The following SH3PXD2B variants were observed in gnomAD, a reference collection of about 807,000 sequenced individuals.
SH3PXD2B encodes the protein SH3 and PX domain-containing protein 2B.
SH3PXD2B carries 37 observed loss-of-function variants against 73.1 expected under a neutral mutation model. The observed-to-expected ratio is 0.51, with a 90% CI of 0.39 to 0.67. SH3PXD2B has a LOEUF of 0.67. SH3PXD2B is among the 30% of genes least tolerant of loss of function. The probability of loss-of-function intolerance (pLI) is 0.00; values close to 1 mark genes in which losing one functional copy is unlikely to be tolerated. For synonymous variants in SH3PXD2B, 457 were observed against 480.5 expected (o/e 0.95, Z 0.64); for missense variants, 1,053 against 1,197.8 (o/e 0.88, Z 1.78).
chr5:172,406,161 G>T (rs1231183959), intron 3 of SH3PXD2B, 116 bp downstream of exon 3: 26 of 1,165,854 alleles, frequency 2.2e-5, no homozygotes, highest in Non-Finnish European at 3.1e-5. Flanking sequence ...TGAGATTCTG[G>T]TCAGTGGGAT....
At chr5:172,452,649 C>A (rs541731689) in intron 1 of SH3PXD2B, among the ~76,000 whole-genome samples, 1 of 152,086 alleles carries the variant, frequency 6.6e-6, no homozygotes, top group East Asian at 1.9e-4. Flanking sequence ...CGATGATGGC[C>A]GGGCCTCGGT....
At chr5:172,351,379 C>T (rs886915599) in intron 9 of SH3PXD2B, among the ~76,000 whole-genome samples, 1 of 152,148 alleles carries the variant, frequency 6.6e-6, no homozygotes, top group East Asian at 1.9e-4. Context: ...CTTCCTGTCT[C>T]GGCCTCCCAA....
chr5:172,328,287 G>A (rs1032560210), intron 12 of SH3PXD2B, among the ~76,000 whole-genome samples: 1 of 151,590 alleles, frequency 6.6e-6, no homozygotes, highest in Non-Finnish European at 1.5e-5. Context: ...TGCATTTTTA[G>A]TAGAGACGGG....
chr5:172,377,761 A>G (rs141491747), intron 5 of SH3PXD2B, among the ~76,000 whole-genome samples: 1 of 152,328 alleles, frequency 6.6e-6, no homozygotes, highest in Non-Finnish European at 1.5e-5. Flanking sequence ...GATATGAGAT[A>G]AGCATGCTAG....
chr5:172,423,251 G>A lies in SH3PXD2B; in HGVS notation c.76-755C>T, dbSNP rs549015526. Among the ~76,000 whole-genome samples the A allele has an allele frequency of 1.1e-4, 16 of 152,294 alleles. No homozygotes were observed. In the Middle Eastern group the frequency reaches 0.01, roughly 97 times the overall value. On this transcript the variant is annotated intron_variant, in intron 1 of 12. Transcript: ENST00000311601. ...CGGACACACCAGGTAGACACCTAAG[G>A]GCTAAGGGATCAGCATACCTGTGAC...
chr5:172,390,816 TG>T (rs1252314968), intron 4 of SH3PXD2B, among the ~76,000 whole-genome samples: 22 of 3,248 alleles, frequency 6.8e-3, no homozygotes, highest in Non-Finnish European at 9.6e-3. Context: ...TCCCGTCTTT[TG>T]TGTGTGTGTG....
intron 3 of SH3PXD2B, among the ~76,000 whole-genome samples, chr5:172,396,720 G>T (rs6871249): frequency 0.3 from 45,595 of 151,484 alleles, 7,404 homozygotes; most frequent in East Asian, 0.66. Flanking sequence ...GTCAAGGCAG[G>T]TGGATAACCT....
In SH3PXD2B at chr5:172,337,429, T is replaced by C; in HGVS notation, c.*940A>G. 1 of 979,770 alleles carries C rather than the reference T, an allele frequency of 1.0e-6. No homozygotes were observed. The highest frequency in any genetic ancestry group is 1.2e-6 in the Non-Finnish European group (1 of 824,836). The allele number at this position is 979,770 out of a possible 1,614,324, so 60.7% of individuals were successfully genotyped here. A position where few individuals can be genotyped will look rare whatever the true frequency, so the allele number is the denominator to read the frequency against. On this transcript the variant is annotated 3_prime_UTR_variant, in exon 13 of 13. Transcript: ENST00000311601. ...CATGGAGCGTGAATTTCCTCATCTA[T>C]AAAGGGAGGTTGTGAGGGTCAAAGC...
chr5:172,373,385 T>A (rs1392044170), intron 6 of SH3PXD2B, among the ~76,000 whole-genome samples: 1 of 152,294 alleles, frequency 6.6e-6, no homozygotes, highest in Non-Finnish European at 1.5e-5. Context: ...ACCATATTGC[T>A]CTGTATAAAG....
intron 1 of SH3PXD2B, among the ~76,000 whole-genome samples, chr5:172,423,010 TTCCTCTGCC>T (rs902078869): frequency 3.3e-4 from 51 of 152,334 alleles, no homozygotes; most frequent in Admixed American, 1.7e-3. Context: ...CAGCACCTGC[TTCCTCTGCC>T]TCCTCTGCCT....
chr5:172,435,168 T>G (rs866355683), intron 1 of SH3PXD2B, among the ~76,000 whole-genome samples: 1 of 152,228 alleles, frequency 6.6e-6, no homozygotes, highest in Admixed American at 6.5e-5. Flanking sequence ...ATTTTTCTCT[T>G]TCTTTTGAAT....
intron 1 of SH3PXD2B, among the ~76,000 whole-genome samples, chr5:172,451,671 G>A (rs1205007955): frequency 6.6e-6 from 1 of 152,238 alleles, no homozygotes; most frequent in Admixed American, 6.5e-5. Flanking sequence ...AGCTGATGCT[G>A]TCTCTCCAGG....
At chr5:172,402,282 C>G (rs965152762) in intron 3 of SH3PXD2B, among the ~76,000 whole-genome samples, 1 of 152,142 alleles carries the variant, frequency 6.6e-6, no homozygotes, top group South Asian at 2.1e-4. Flanking sequence ...TTGGTCAGAC[C>G]GTTGTCTGCT....
chr5:172,338,060 T>C lies in SH3PXD2B; in HGVS notation c.*309A>G. On this transcript the variant is annotated 3_prime_UTR_variant, in exon 13 of 13. Coordinates refer to ENST00000311601, the MANE Select transcript of SH3PXD2B (RefSeq NM_001017995.3). The surrounding 1 kb of genome is among the most constrained non-coding windows in gnomAD (Gnocchi z 5.1). ...CCAGTCCTGGAGGTCTTGGAGAGTC[T>C]TGGTCCCACTGCTGGGTGGCAATGC... 7.7e-7 allele frequency: 1 copy of C among 1,302,032 alleles called. No homozygotes were observed. The highest frequency in any genetic ancestry group is 9.8e-7 in the Non-Finnish European group (1 of 1,017,310). 80.7% of individuals were successfully genotyped at this position (1,302,032 alleles called of 1,614,324 possible). A position where few individuals can be genotyped will look rare whatever the true frequency, so the allele number is the denominator to read the frequency against.
At position 172,344,949 on chromosome 5, in the gene SH3PXD2B, T is replaced by G. The variant is rs1756956561; in HGVS notation, c.1188+1187A>C. Among the ~76,000 whole-genome samples, 2 of 134,494 alleles carry G rather than the reference T, an allele frequency of 1.5e-5. 1 individual carries two copies. Among genetic ancestry groups the G allele is most frequent in the South Asian group, 4.7e-4 (2 of 4,288 alleles). 88.2% of individuals were successfully genotyped at this position (134,494 alleles called of 152,430 possible). A position where few individuals can be genotyped will look rare whatever the true frequency, so the allele number is the denominator to read the frequency against. On this transcript the variant is annotated intron_variant, in intron 12 of 12. Transcript: ENST00000311601. ...GATGGAAGAAAGGCAGGAAGGAGGATGGAGGAAAGGAAGGAAGGAGGGAGA... is the reference window on the plus strand; with the variant it reads ...GATGGAAGAAAGGCAGGAAGGAGGAGGGAGGAAAGGAAGGAAGGAGGGAGA...
intron 1 of SH3PXD2B, among the ~76,000 whole-genome samples, chr5:172,437,120 G>A (rs1272475660): frequency 6.6e-6 from 1 of 152,180 alleles, no homozygotes; most frequent in Non-Finnish European, 1.5e-5. Flanking sequence ...AGGTGGATAA[G>A]TATGGTCCTC....
At position 172,422,468 on chromosome 5, in the gene SH3PXD2B, C is replaced by T. The variant is rs1401709083; in HGVS notation, c.104G>A (p.Ser35Asn). 1.9e-6 allele frequency: 3 copies of T among 1,612,394 alleles called. No individual in the cohort carries two copies. Among genetic ancestry groups the T allele is most frequent in the South Asian group, 1.1e-5 (1 of 90,594 alleles). Residue 35 changes from serine (S) to asparagine (N), a missense_variant, in exon 2 of 13, where the codon AGC (serine) becomes AAC (asparagine). Physicochemically the swap from Ser to Asn is conservative, Grantham distance 46. Transcript: ENST00000311601. The stretch of plus-strand genomic sequence containing the variant: ...CCGGTAAATGGCCTCGGTGGAGCCG[C>T]TGGACCACGTGACCCGGATGATGTA... ...YVYIIRVTWS[S>N]GSTEAIYRRY...
At chr5:172,380,992 C>T (rs1295605140) in intron 5 of SH3PXD2B, among the ~76,000 whole-genome samples, 2 of 152,242 alleles carry the variant, frequency 1.3e-5, no homozygotes, top group Admixed American at 6.5e-5. Context: ...TATAAATGGC[C>T]TGACTTCACT....
intron 1 of SH3PXD2B, among the ~76,000 whole-genome samples, chr5:172,426,689 A>C (rs11134749): frequency 0.52 from 78,731 of 151,976 alleles, 22,513 homozygotes; most frequent in African/African-American, 0.75. Flanking sequence ...ACGGATGAGA[A>C]CCAATTCCAG....
Sources: allele counts gnomAD v4.1 joint callset (sites outside exome capture counted in the v4.1 genomes callset), GRCh38; gene constraint gnomAD v4.1.1; non-coding constraint Gnocchi (gnomAD v3.1); transcripts MANE v1.5; gene names NCBI Gene and HGNC (gene_info 2026-07-23, HGNC 2026-07-21).